Variants in GRIN2A observed in about 807,000 individuals in gnomAD.
The protein encoded by GRIN2A is glutamate receptor ionotropic, NMDA 2A.
In GRIN2A, 22 loss-of-function variants were observed where a neutral mutation model predicts 113.4. That is an observed-to-expected ratio of 0.19 (90% CI 0.14 to 0.28). The LOEUF (loss-of-function observed/expected upper bound fraction) is 0.28, where lower values mean the gene tolerates loss of function less well. Among genes scored for constraint, GRIN2A ranks in the 10% least tolerant of loss-of-function variants. The pLI is 1.00. For synonymous variants in GRIN2A, 827 were observed against 738.4 expected, an observed-to-expected ratio of 1.12 and a Z score of -1.94; for missense variants, 1,502 against 1,887.0, an observed-to-expected ratio of 0.80 and a Z score of 3.78.
At chr16:9,825,481 T>A (rs1475505819) in intron 9 of GRIN2A, among the ~76,000 whole-genome samples, 1 of 152,146 alleles carries the variant, frequency 6.6e-6, no homozygotes, top group African/African-American at 2.4e-5. Context: ...TGGCAAGTAT[T>A]TGATGATGGA....
At position 9,780,413 on chromosome 16, in the gene GRIN2A, G is replaced by A. The variant is rs566456110; in HGVS notation, c.2357-11324C>T. Among the ~76,000 whole-genome samples, 143 of 152,320 alleles carry A rather than the reference G, an allele frequency of 9.4e-4. 1 individual carries two copies. The highest frequency in any genetic ancestry group is 3.1e-3 in the African/African-American group (127 of 41,570). Reference sequence around the variant, plus strand: ...ACCCAGCAACGAAAAAAAATAATGAGCTGTGGTTACATGCAGTAATATGTA... The same window carrying A: ...ACCCAGCAACGAAAAAAAATAATGAACTGTGGTTACATGCAGTAATATGTA... On this transcript the variant is annotated intron_variant, in intron 11 of 12. Transcript: ENST00000330684.
chr16:9,855,112 C>A (rs2042946308), intron 4 of GRIN2A, among the ~76,000 whole-genome samples: 1 of 152,088 alleles, frequency 6.6e-6, no homozygotes, highest in Non-Finnish European at 1.5e-5. Context: ...CCTCTCTTCT[C>A]TCCTTTACAT....
At chr16:9,923,062 TAA>T (rs2044387781) in intron 3 of GRIN2A, among the ~76,000 whole-genome samples, 1 of 152,178 alleles carries the variant, frequency 6.6e-6, no homozygotes, top group Non-Finnish European at 1.5e-5. Flanking sequence ...TAGCAATTAT[TAA>T]GAGTATTGAA....
At chr16:9,988,787 C>T (rs1360887016) in intron 2 of GRIN2A, among the ~76,000 whole-genome samples, 1 of 152,094 alleles carries the variant, frequency 6.6e-6, no homozygotes, top group Non-Finnish European at 1.5e-5. Flanking sequence ...GACTAACTAT[C>T]GGCCCAGGTT....
intron 3 of GRIN2A, among the ~76,000 whole-genome samples, chr16:9,907,912 C>T (rs1243166131): frequency 6.6e-6 from 1 of 152,212 alleles, no homozygotes; most frequent in Non-Finnish European, 1.5e-5. Context: ...CATGTCTGAG[C>T]CCTCGCTGCG....
intron 11 of GRIN2A, among the ~76,000 whole-genome samples, chr16:9,796,632 T>C (rs185292871): frequency 8.5e-4 from 130 of 152,336 alleles, no homozygotes; most frequent in African/African-American, 2.9e-3. Flanking sequence ...CTTTCTGTGC[T>C]TCTGCCATGG....
At chr16:10,081,641 T>A (rs2047984691) in intron 2 of GRIN2A, among the ~76,000 whole-genome samples, 2 of 152,232 alleles carry the variant, frequency 1.3e-5, no homozygotes, top group Admixed American at 1.3e-4. Context: ...AGAACTTCTC[T>A]CTGCCTAGAG....
intron 2 of GRIN2A, among the ~76,000 whole-genome samples, chr16:9,949,567 A>G (rs759769502): frequency 1.3e-5 from 2 of 151,562 alleles, no homozygotes; most frequent in Non-Finnish European, 2.9e-5. Flanking sequence ...TGAATGAATG[A>G]ATGGATGGAT....
At chr16:9,800,766 C>A (rs922183802) in intron 10 of GRIN2A, among the ~76,000 whole-genome samples, 7 of 152,070 alleles carry the variant, frequency 4.6e-5, no homozygotes, top group African/African-American at 1.7e-4. Flanking sequence ...GAACTGGGCA[C>A]TGATTGGCAA....
chr16:9,860,401 T>C (rs1238103705), intron 4 of GRIN2A, among the ~76,000 whole-genome samples: 2 of 133,898 alleles, frequency 1.5e-5, no homozygotes, highest in East Asian at 4.3e-4. Flanking sequence ...TGAGCTGAGA[T>C]TGCACCACTG....
intron 2 of GRIN2A, among the ~76,000 whole-genome samples, chr16:9,962,663 T>C (rs913605370): frequency 1.3e-5 from 2 of 152,134 alleles, no homozygotes; most frequent in African/African-American, 4.8e-5. Flanking sequence ...ACACTGTTGG[T>C]GGGACTGTAA....
chr16:10,131,771 T>C (rs1290799896), intron 2 of GRIN2A, among the ~76,000 whole-genome samples: 3 of 152,150 alleles, frequency 2.0e-5, no homozygotes, highest in Admixed American at 2.0e-4. Context: ...TGTAACACAC[T>C]TGTGCCCCTG....
In GRIN2A at chr16:9,938,483, G is replaced by C. The variant is rs182751705; in HGVS notation, c.483C>G (p.Ile161Met). Residue 161 changes from isoleucine to methionine, a missense_variant, in exon 3 of 13, where the codon ATC (isoleucine) becomes ATG (methionine). Ile to Met is a conservative substitution (Grantham distance 10). This residue lies in a region of GRIN2A where 334 missense variants were observed against 403.0 expected (regional missense o/e 0.83). Transcript: ENST00000330684. Reference sequence around the variant, plus strand: ...AGACATGCCAGTCATAATCCTGCATGATCTTCAGCATGACCGTGGCTTGCT... The same window carrying C: ...AGACATGCCAGTCATAATCCTGCATCATCTTCAGCATGACCGTGGCTTGCT... Reference protein sequence around the residue: ...IQQQATVMLKIMQDYDWHVFS... With the variant: ...IQQQATVMLKMMQDYDWHVFS... 8.7e-6 allele frequency: 14 copies of C among 1,613,112 alleles called. No homozygotes were observed. Among genetic ancestry groups the C allele is most frequent in the Non-Finnish European group, 1.1e-5 (13 of 1,179,968 alleles).
chr16:10,158,664 A>C (rs112308385), intron 2 of GRIN2A, among the ~76,000 whole-genome samples: 4 of 152,354 alleles, frequency 2.6e-5, no homozygotes, highest in African/African-American at 7.2e-5. Context: ...GAAAGATGCC[A>C]GATGCAAAAG....
intron 4 of GRIN2A, among the ~76,000 whole-genome samples, chr16:9,882,008 G>C (rs2043490222): frequency 6.6e-6 from 1 of 152,048 alleles, no homozygotes; most frequent in Non-Finnish European, 1.5e-5. Context: ...TCCTCTGGCT[G>C]GATGAACTTT....
At chr16:10,127,359 G>A (rs1484524077) in intron 2 of GRIN2A, among the ~76,000 whole-genome samples, 1 of 152,088 alleles carries the variant, frequency 6.6e-6, no homozygotes, top group East Asian at 1.9e-4. Flanking sequence ...CCATCCTCAA[G>A]AACTTTCTCA....
At chr16:9,987,813 A>C (rs1375234522) in intron 2 of GRIN2A, among the ~76,000 whole-genome samples, 1 of 152,118 alleles carries the variant, frequency 6.6e-6, no homozygotes, top group African/African-American at 2.4e-5. Flanking sequence ...AAATGGAGAA[A>C]ATTCCCAAGC....
Position 9,756,926 on chromosome 16 carries a change from G to T in GRIN2A, c.*6223C>A, listed in dbSNP as rs761035266. The T allele has an allele frequency of 2.1e-5, 4 of 188,184 alleles. No homozygotes were observed. Among genetic ancestry groups the T allele is most frequent in the Non-Finnish European group, 4.5e-5 (4 of 89,362 alleles). 11.7% of individuals were successfully genotyped at this position (188,184 alleles called of 1,614,324 possible). On this transcript the variant is annotated 3_prime_UTR_variant, in exon 13 of 13. Transcript: ENST00000330684. ...CTAGGGAACCTGATGCTTTCTGTCA[G>T]CCACAGCAGTAGGCACTTGGAACTT...
chr16:9,960,915 C>T (rs959946472), intron 2 of GRIN2A, among the ~76,000 whole-genome samples: 5 of 152,190 alleles, frequency 3.3e-5, no homozygotes, highest in African/African-American at 4.8e-5. Context: ...CATGAGCCAC[C>T]GCACCCAGCT....
Sources: gnomAD v4.1 joint callset for allele counts (sites outside exome capture counted in the v4.1 genomes callset) on GRCh38, gnomAD v4.1.1 for gene constraint, gnomAD v4.1.1 regional missense constraint, MANE v1.5 for transcripts, NCBI Gene and HGNC (gene_info 2026-07-23, HGNC 2026-07-21) for gene names.